The following FBF1 variants were observed in gnomAD, a reference collection of about 807,000 sequenced individuals.
FBF1 encodes the protein fas-binding factor 1.
FBF1 carries 119 observed loss-of-function variants against 147.2 expected under a neutral mutation model. The ratio of observed to expected loss-of-function variants is 0.81; its 90% CI spans 0.70 to 0.94. FBF1 has a LOEUF of 0.94. Among genes scored for constraint, FBF1 ranks in the 40% least tolerant of loss-of-function variants. The pLI is 0.00. For missense variants in FBF1, 1,449 were observed against 1,500.8 expected, an observed-to-expected ratio of 0.97 and a Z score of 0.57; for synonymous variants, 601 against 609.0, an observed-to-expected ratio of 0.99 and a Z score of 0.19.
At chr17:75,914,957 G>C (rs750681003) in intron 24 of FBF1, 25 bp from the exon 25 acceptor site, 1 of 1,611,424 alleles carries the variant, frequency 6.2e-7, no homozygotes, top group Non-Finnish European at 8.5e-7. Context: ...TGAAGGCACG[G>C]GGTGAGTGTC....
chr17:75,920,237 C>T, intron 18 of FBF1, 37 bp downstream of exon 18: 2 of 1,599,190 alleles, frequency 1.3e-6, no homozygotes, highest in Non-Finnish European at 1.7e-6. Context: ...CCTGTCGCAA[C>T]CCTGCCACCA....
At position 75,918,784 on chromosome 17, in the gene FBF1, G is replaced by A. The variant is rs996133386; in HGVS notation, c.2139-515C>T. ...TGGGATTACAGGTGTGAGCCACCAC[G>A]CCCGGCCCCAAGCAGTCTTTCTTTT... On this transcript the variant is annotated intron_variant, in intron 20 of 29. Transcript: ENST00000636174. The surrounding 1 kb of genome is among the most constrained non-coding windows in gnomAD (Gnocchi z 5.8). Among the ~76,000 whole-genome samples the A allele has an allele frequency of 4.1e-5, 6 of 146,338 alleles. No individual in the cohort carries two copies. Among genetic ancestry groups the A allele is most frequent in the African/African-American group, 1.5e-4 (6 of 39,600 alleles).
intron 6 of FBF1, 81 bp downstream of exon 6, chr17:75,931,148 G>A (rs896790118): frequency 1.7e-5 from 24 of 1,446,996 alleles, no homozygotes; most frequent in Admixed American, 6.0e-5. Context: ...AAACCCTTCC[G>A]TGGGCAGCCC....
At chr17:75,937,933 T>TAGGA (rs1005044322) in intron 2 of FBF1, 1 of 688,178 alleles carries the variant, frequency 1.5e-6, no homozygotes, top group African/African-American at 1.8e-5. Context: ...GACAGACACT[T>TAGGA]AAAAACGCTT....
At chr17:75,932,927 G>C in intron 5 of FBF1, 68 bp downstream of exon 5, 4 of 1,057,020 alleles carry the variant, frequency 3.8e-6, no homozygotes, top group African/African-American at 1.6e-5. Context: ...TAGAAAGTGG[G>C]GGGTGGAGGG....
chr17:75,911,774 G>T (rs2065457937), intron 29 of FBF1, among the ~76,000 whole-genome samples: 1 of 152,118 alleles, frequency 6.6e-6, no homozygotes, highest in African/African-American at 2.4e-5. Flanking sequence ...GCCTCCCAAA[G>T]TGCTGGGATT....
At position 75,914,196 on chromosome 17, in the gene FBF1, G is replaced by T; in HGVS notation, c.2917C>A (p.Leu973Met). The T allele has an allele frequency of 6.3e-7, 1 of 1,593,910 alleles. No individual in the cohort carries two copies. Among genetic ancestry groups the T allele is most frequent in the Non-Finnish European group, 8.5e-7 (1 of 1,172,904 alleles). ...GTGGCGTTGATCCTCTCCTTCTCCA[G>T]CCGCAGCTCCTGCCGCTCCTGCTCC... ...ALEQERQELRLEKERINATAL... is the reference protein window; with the variant it reads ...ALEQERQELRMEKERINATAL... Residue 973 changes from leucine to methionine, a missense_variant, in exon 26 of 30, where the codon CTG becomes ATG. Coordinates refer to ENST00000636174, the MANE Select transcript of FBF1 (RefSeq NM_001319193.2).
Position 75,912,298 on chromosome 17 carries a change from G to A in FBF1, c.3257C>T (p.Pro1086Leu), listed in dbSNP as rs1343099661. 3 of 1,595,320 alleles carry A rather than the reference G, an allele frequency of 1.9e-6. No individual in the cohort carries two copies. Among genetic ancestry groups the A allele is most frequent in the South Asian group, 1.1e-5 (1 of 88,734 alleles). Residue 1086 changes from proline (P) to leucine (L), a missense_variant, in exon 29 of 30, where the codon CCT becomes CTT. By Grantham distance (98) the Pro-to-Leu change is moderately conservative. Coordinates refer to ENST00000636174, the MANE Select transcript of FBF1 (RefSeq NM_001319193.2). The part of the protein sequence containing the change: ...PAASSQSALM[P>L]PAPTTRWCSQ... ...GCACCAACGGGTGGTGGGAGCAGGA[G>A]GCATGAGGGCTGAAAAGGCCAAGGA...
chr17:75,921,593 CCT>C, intron 15 of FBF1, 33 bp from the exon 16 acceptor site: 2 of 1,576,920 alleles, frequency 1.3e-6, no homozygotes, highest in Non-Finnish European at 1.7e-6. Flanking sequence ...TGGTGAGCAG[CCT>C]CTGTGTGGGA....
At position 75,919,935 on chromosome 17, in the gene FBF1, C is replaced by G. The variant is rs2065513639; in HGVS notation, c.1932-61G>C. 6 of 1,611,684 alleles carry G rather than the reference C, an allele frequency of 3.7e-6. No homozygotes were observed. The highest frequency in any genetic ancestry group is 5.1e-6 in the Non-Finnish European group (6 of 1,178,464). On this transcript the variant is annotated intron_variant, in intron 19 of 29. Coordinates refer to ENST00000636174, the MANE Select transcript of FBF1 (RefSeq NM_001319193.2). The surrounding 1 kb of genome is among the most constrained non-coding windows in gnomAD (Gnocchi z 5.0). The stretch of plus-strand genomic sequence containing the variant: ...GCAGAGGGCTGCCGCCTAAAGGCCT[C>G]TCCAGGCACACTGGGTGGCCTTTGG...
rs2065532420 is a variant in FBF1, at chr17:75,922,210, G to A, written c.1425-164C>T. On this transcript the variant is annotated intron_variant, in intron 14 of 29. Coordinates refer to ENST00000636174, the MANE Select transcript of FBF1 (RefSeq NM_001319193.2). The surrounding 1 kb of genome is among the most constrained non-coding windows in gnomAD (Gnocchi z 5.0). ...TCTCCTCCCACGTCTGAGCTCCTGG[G>A]ATTTCTGGGCATCTCTTCCCTTCCA... is the stretch of plus-strand genomic sequence containing the variant. 1.7e-6 allele frequency: 1 copy of A among 591,498 alleles called. No homozygotes were observed. Among genetic ancestry groups the A allele is most frequent in the Non-Finnish European group, 3.0e-6 (1 of 334,138 alleles). The allele number at this position is 591,498 out of a possible 1,614,324, so 36.6% of individuals were successfully genotyped here. A position where few individuals can be genotyped will look rare whatever the true frequency, so the allele number is the denominator to read the frequency against.
In FBF1 at chr17:75,915,149, C is replaced by A; in HGVS notation, c.2506-10G>T. The stretch of plus-strand genomic sequence containing the variant: ...TCACCCGCCAGCGTTCCTGTAGGGC[C>A]CAGGGCAGGACTGAGAGCGTGGTTC... On this transcript the variant is annotated splice_polypyrimidine_tract_variant and intron_variant, in intron 23 of 29. Coordinates refer to ENST00000636174, the MANE Select transcript of FBF1 (RefSeq NM_001319193.2). 6.2e-7 allele frequency: 1 copy of A among 1,606,676 alleles called. No individual in the cohort carries two copies.
In FBF1 at chr17:75,935,766, C is replaced by T. The variant is rs7218498; in HGVS notation, c.32-93G>A. The T allele has an allele frequency of 8.9e-6, 11 of 1,237,012 alleles. No homozygotes were observed. In the Admixed American group the frequency reaches 2.8e-4, roughly 31 times the overall value. 76.6% of individuals were successfully genotyped at this position (1,237,012 alleles called of 1,614,324 possible). On this transcript the variant is annotated intron_variant, in intron 3 of 29. Coordinates refer to ENST00000636174, the MANE Select transcript of FBF1 (RefSeq NM_001319193.2). ...TTGAGACTCGCCAGAAGGCGTCAGA[C>T]CTTTCAGATGTTGGGACTTAGGCTT... is the stretch of plus-strand genomic sequence containing the variant.
intron 5 of FBF1, among the ~76,000 whole-genome samples, chr17:75,931,612 C>T (rs1164720555): frequency 1.3e-5 from 2 of 151,874 alleles, no homozygotes; most frequent in Non-Finnish European, 2.9e-5. Flanking sequence ...GGTGAAACCC[C>T]ATCTCTACTA....
Position 75,923,404 on chromosome 17 carries a change from C to G in FBF1, c.1206G>C (p.Gly402=). The G allele has an allele frequency of 6.2e-7, 1 of 1,607,238 alleles. No individual in the cohort carries two copies. The highest frequency in any genetic ancestry group is 8.5e-7 in the Non-Finnish European group (1 of 1,177,266). Residue 402 remains glycine, a synonymous_variant, in exon 14 of 30, where the codon GGG becomes GGC. Transcript: ENST00000636174. This position sits in a 1 kb window ranked among gnomAD's most constrained non-coding sequence, Gnocchi z 4.1. ...GTGGCTTTGCCCTGGAGGGGGGCAGCCCAGCTGGCGTGGAGTGCTGGCTCG... is the reference window on the plus strand; with the variant it reads ...GTGGCTTTGCCCTGGAGGGGGGCAGGCCAGCTGGCGTGGAGTGCTGGCTCG... The part of the protein sequence containing the change: ...PPASQHSTPA[G]LPPSRAKPPT...
At chr17:75,930,617 C>G (rs2065588539) in intron 6 of FBF1, among the ~76,000 whole-genome samples, 1 of 152,032 alleles carries the variant, frequency 6.6e-6, no homozygotes, top group Non-Finnish European at 1.5e-5. Flanking sequence ...AAATTACCTA[C>G]TAAAAATACA....
chr17:75,919,661 GCCT>G lies in FBF1; in HGVS notation c.2138+4_2138+6del, dbSNP rs1446128903. On this transcript the variant is annotated splice_donor_5th_base_variant and intron_variant, in intron 20 of 29. Transcript: ENST00000636174. The surrounding 1 kb of genome is among the most constrained non-coding windows in gnomAD (Gnocchi z 5.0). ...CTGCTCCCCAGCTGCCTGTCCCTGG[GCCT>G]CACCGCTGCAGCTCCCGGAGCCGCT... 1 of 1,589,350 alleles carries G rather than the reference GCCT, an allele frequency of 6.3e-7. No individual in the cohort carries two copies. Among genetic ancestry groups the G allele is most frequent in the African/African-American group, 1.3e-5 (1 of 74,476 alleles).
chr17:75,938,267 G>C, intron 1 of FBF1, 35 bp from the exon 2 acceptor site: 2 of 1,486,136 alleles, frequency 1.3e-6, no homozygotes, highest in East Asian at 4.7e-5. Context: ...GCTTAAAAAT[G>C]ATGTAGCTTT....
chr17:75,930,108 A>T, intron 6 of FBF1, 61 bp from the exon 7 acceptor site: 1 of 1,347,298 alleles, frequency 7.4e-7, no homozygotes. Context: ...GGCCCAATAA[A>T]ACTCAGGGTC....
Sources: allele counts gnomAD v4.1 joint callset (sites outside exome capture counted in the v4.1 genomes callset), GRCh38; gene constraint gnomAD v4.1.1; non-coding constraint Gnocchi (gnomAD v3.1); transcripts MANE v1.5; gene names NCBI Gene and HGNC (gene_info 2026-07-23, HGNC 2026-07-21).